MIPOL1: variants seen among roughly 807,000 people sequenced by gnomAD.
MIPOL1 encodes the protein mirror-image polydactyly gene 1 protein.
In MIPOL1, 57 loss-of-function variants were observed where a neutral mutation model predicts 60.9. The observed-to-expected ratio is 0.94, with a 90% CI of 0.76 to 1.17. The LOEUF (loss-of-function observed/expected upper bound fraction) is 1.17, where lower values mean the gene tolerates loss of function less well. Among genes scored for constraint, MIPOL1 ranks in the 50% most tolerant of loss-of-function variants. The probability of loss-of-function intolerance (pLI) is 0.00; values close to 1 mark genes in which losing one functional copy is unlikely to be tolerated. For missense variants in MIPOL1, 551 were observed against 511.6 expected (o/e 1.08, Z -0.74); for synonymous variants, 179 against 168.8 (o/e 1.06, Z -0.47).
rs181495309 is a variant in MIPOL1, at chr14:37,439,292, A to G, written c.1031+16343A>G. On this transcript the variant is annotated intron_variant, in intron 11 of 12. Coordinates refer to ENST00000684589, the MANE Select transcript of MIPOL1 (RefSeq NM_001388067.1). Reference sequence around the variant, plus strand: ...AAGTATATGAACCAATAAGATTCTGATAGAGAGGAGGAGGAAGAGGGCATT... The same window carrying G: ...AAGTATATGAACCAATAAGATTCTGGTAGAGAGGAGGAGGAAGAGGGCATT... Among the ~76,000 whole-genome samples the G allele has an allele frequency of 1.8e-4, 28 of 152,308 alleles. No homozygotes were observed. The East Asian group carries it at 4.1e-3, about 22-fold the overall frequency.
intron 11 of MIPOL1, among the ~76,000 whole-genome samples, chr14:37,450,854 A>T (rs928750668): frequency 2.6e-5 from 4 of 152,118 alleles, no homozygotes; most frequent in African/African-American, 9.7e-5. Context: ...ATTTGTATAA[A>T]TATAAAATCG....
chr14:37,360,343 T>C (rs1367469385), intron 9 of MIPOL1, among the ~76,000 whole-genome samples: 1 of 152,198 alleles, frequency 6.6e-6, no homozygotes. Flanking sequence ...TAAAATGAAT[T>C]AGGGAGGATT....
At chr14:37,392,245 T>G (rs200677033) in intron 10 of MIPOL1, among the ~76,000 whole-genome samples, 1 of 146,802 alleles carries the variant, frequency 6.8e-6, no homozygotes, top group South Asian at 2.2e-4. Context: ...TTGATTTATT[T>G]AATAAACATT....
rs2095190645 is a variant in MIPOL1, at chr14:37,499,907, GTT to G, written c.1033_1034del (p.Leu345ThrfsTer15). On this transcript the variant is annotated frameshift_variant and splice_region_variant, in exon 12 of 13. Coordinates refer to ENST00000684589, the MANE Select transcript of MIPOL1 (RefSeq NM_001388067.1). LOFTEE classifies it high-confidence loss of function. Reference sequence around the variant, plus strand: ...TTAAATTTTTTTTAATATTTTCTCAGTTTACACAAATCTTTATCTCAAGAAGA... The same window carrying G: ...TTAAATTTTTTTTAATATTTTCTCAGTACACAAATCTTTATCTCAAGAAGA... The G allele has an allele frequency of 6.6e-7, 1 of 1,519,348 alleles. No individual in the cohort carries two copies. Among genetic ancestry groups the G allele is most frequent in the Admixed American group, 1.8e-5 (1 of 54,496 alleles). 94.1% of individuals were successfully genotyped at this position (1,519,348 alleles called of 1,614,324 possible).
intron 11 of MIPOL1, among the ~76,000 whole-genome samples, chr14:37,475,513 G>T (rs1005203428): frequency 1.3e-5 from 2 of 152,084 alleles, no homozygotes; most frequent in Non-Finnish European, 1.5e-5. Flanking sequence ...AGGTCACCTA[G>T]ATTTTCTCTT....
chr14:37,215,443 C>T lies in MIPOL1; in HGVS notation c.-199+17339C>T, dbSNP rs575646391. Among the ~76,000 whole-genome samples, 12 of 152,060 alleles carry T rather than the reference C, an allele frequency of 7.9e-5. No individual in the cohort carries two copies. The South Asian group carries it at 2.1e-3, about 26-fold the overall frequency. On this transcript the variant is annotated intron_variant, in intron 1 of 12. Transcript: ENST00000684589. ...AACCCACTGACCCTCTGGGGCTGGT[C>T]GCTACAGCTCATGGTAACCTCAAAC...
intron 11 of MIPOL1, among the ~76,000 whole-genome samples, chr14:37,487,811 G>C (rs1417510100): frequency 6.6e-6 from 1 of 151,970 alleles, no homozygotes; most frequent in East Asian, 1.9e-4. Flanking sequence ...TTTTTTGAAG[G>C]GCTTTCTGTG....
chr14:37,229,034 A>G (rs1970215054), intron 1 of MIPOL1, among the ~76,000 whole-genome samples: 1 of 141,116 alleles, frequency 7.1e-6, no homozygotes, highest in African/African-American at 2.5e-5. Flanking sequence ...AATTTCATCA[A>G]ACATCTTTAC....
intron 1 of MIPOL1, among the ~76,000 whole-genome samples, chr14:37,211,589 T>G (rs1966844749): frequency 6.6e-6 from 1 of 152,158 alleles, no homozygotes; most frequent in South Asian, 2.1e-4. Flanking sequence ...ACCTTGCCAC[T>G]GAGGTCTGCA....
intron 11 of MIPOL1, among the ~76,000 whole-genome samples, chr14:37,435,478 A>G (rs973578241): frequency 4.6e-5 from 7 of 151,930 alleles, no homozygotes; most frequent in Admixed American, 6.6e-5. Context: ...ACATGCTTAC[A>G]TGACACTATA....
At chr14:37,395,373 A>G (rs922619319) in intron 10 of MIPOL1, among the ~76,000 whole-genome samples, 6 of 152,178 alleles carry the variant, frequency 3.9e-5, no homozygotes, top group African/African-American at 1.4e-4. Flanking sequence ...GATTCTACCC[A>G]TCCATGAGTG....
intron 3 of MIPOL1, among the ~76,000 whole-genome samples, chr14:37,259,506 G>C (rs2082364751): frequency 6.6e-6 from 1 of 151,976 alleles, no homozygotes; most frequent in Non-Finnish European, 1.5e-5. Context: ...GGTTGAGGCT[G>C]TAGTGAGCCA....
At chr14:37,367,905 G>A (rs1238674218) in intron 9 of MIPOL1, among the ~76,000 whole-genome samples, 1 of 151,978 alleles carries the variant, frequency 6.6e-6, no homozygotes, top group Non-Finnish European at 1.5e-5. Context: ...TGATTTGATT[G>A]CATTCTGACC....
At position 37,500,192 on chromosome 14, in the gene MIPOL1, A is replaced by G. The variant is rs142872515; in HGVS notation, c.1262+54A>G. On this transcript the variant is annotated intron_variant, in intron 12 of 12. Coordinates refer to ENST00000684589, the MANE Select transcript of MIPOL1 (RefSeq NM_001388067.1). ...TCAAACACATGAAACAAAACAAAAC[A>G]CTTTCTTTTGGGAACTAAACAATAT... 719 of 1,203,230 alleles carry G rather than the reference A, an allele frequency of 6.0e-4. 3 individuals are homozygous for G. The African/African-American group carries it at 9.8e-3, about 16-fold the overall frequency. 74.5% of individuals were successfully genotyped at this position (1,203,230 alleles called of 1,614,324 possible).
chr14:37,524,937 A>G (rs2095438186), intron 12 of MIPOL1, among the ~76,000 whole-genome samples: 1 of 152,138 alleles, frequency 6.6e-6, no homozygotes, highest in South Asian at 2.1e-4. Context: ...AAAACTGGAA[A>G]TAAAATGAGC....
chr14:37,294,318 T>A (rs1263451375), intron 7 of MIPOL1, among the ~76,000 whole-genome samples: 1 of 151,944 alleles, frequency 6.6e-6, no homozygotes, highest in Non-Finnish European at 1.5e-5. Context: ...TATGTCACCA[T>A]CATCAAAGAC....
intron 12 of MIPOL1, among the ~76,000 whole-genome samples, chr14:37,529,921 A>G (rs939583708): frequency 2.0e-5 from 3 of 152,220 alleles, no homozygotes; most frequent in Non-Finnish European, 4.4e-5. Flanking sequence ...GATAGGAAAT[A>G]AGAAGCCATT....
chr14:37,466,230 T>C (rs528887735), intron 11 of MIPOL1, among the ~76,000 whole-genome samples: 2 of 152,332 alleles, frequency 1.3e-5, no homozygotes, highest in African/African-American at 4.8e-5. Flanking sequence ...TAAGTTGGCA[T>C]TTTACCAAAA....
intron 1 of MIPOL1, among the ~76,000 whole-genome samples, chr14:37,246,844 A>G (rs1402507980): frequency 1.3e-5 from 2 of 152,066 alleles, no homozygotes; most frequent in African/African-American, 4.8e-5. Flanking sequence ...TGGGTAAATG[A>G]TGAGGAAGAG....
Sources: allele counts gnomAD v4.1 joint callset (sites outside exome capture counted in the v4.1 genomes callset), GRCh38; gene constraint gnomAD v4.1.1; transcripts MANE v1.5; gene names NCBI Gene and HGNC (gene_info 2026-07-23, HGNC 2026-07-21).